Variants in PCDHA12 observed in about 807,000 individuals in gnomAD.
PCDHA12 encodes the protein protocadherin alpha-12.
Under a neutral mutation model 60.0 loss-of-function variants are expected in PCDHA12, and 44 were observed. That is an observed-to-expected ratio of 0.73 (90% CI 0.58 to 0.94). The LOEUF is 0.94. PCDHA12 is among the 40% of genes least tolerant of loss of function. The pLI, the probability that PCDHA12 is intolerant of heterozygous loss-of-function variation, is 0.00. For missense variants in PCDHA12, 1,276 were observed against 1,239.7 expected, an observed-to-expected ratio of 1.03 and a Z score of -0.44; for synonymous variants, 569 against 553.0, an observed-to-expected ratio of 1.03 and a Z score of -0.40.
intron 1 of PCDHA12, among the ~76,000 whole-genome samples, chr5:140,941,953 C>A (rs1166757165): frequency 6.6e-6 from 1 of 152,054 alleles, no homozygotes; most frequent in Non-Finnish European, 1.5e-5. Flanking sequence ...GTTTTGAAAA[C>A]AATAGTATCT....
intron 1 of PCDHA12, among the ~76,000 whole-genome samples, chr5:140,905,582 A>C (rs1281901890): frequency 1.3e-5 from 2 of 152,068 alleles, no homozygotes; most frequent in South Asian, 2.1e-4. Flanking sequence ...AATGATAATG[A>C]TATTTTGCTG....
chr5:141,005,489 G>A (rs1336877426), intron 3 of PCDHA12, among the ~76,000 whole-genome samples: 3 of 151,788 alleles, frequency 2.0e-5, no homozygotes, highest in Non-Finnish European at 4.4e-5. Context: ...GGATCATGAG[G>A]TCAGGAGATC....
rs182357788 is a variant in PCDHA12, at chr5:140,944,436, C to T, written c.2368-34513C>T. Among the ~76,000 whole-genome samples, 220 of 152,278 alleles carry T rather than the reference C, an allele frequency of 1.4e-3. 1 individual carries two copies. Among genetic ancestry groups the T allele is most frequent in the African/African-American group, 4.9e-3 (204 of 41,560 alleles). The stretch of plus-strand genomic sequence containing the variant: ...TCCTGATCTGAAGTGGTCTGCCTGC[C>T]TCGGCCTCCCAAAGTGCTGGGATTA... On this transcript the variant is annotated intron_variant, in intron 1 of 3. Coordinates refer to ENST00000398631, the MANE Select transcript of PCDHA12 (RefSeq NM_018903.4).
At chr5:140,941,023 T>C (rs2153648150) in intron 1 of PCDHA12, among the ~76,000 whole-genome samples, 1 of 152,338 alleles carries the variant, frequency 6.6e-6, no homozygotes, top group African/African-American at 2.4e-5. Flanking sequence ...ATTTTCCTTC[T>C]GGCCTTTTTG....
chr5:140,886,843 A>G (rs1247447766), intron 1 of PCDHA12, among the ~76,000 whole-genome samples: 8 of 150,852 alleles, frequency 5.3e-5, no homozygotes, highest in African/African-American at 1.5e-4. Flanking sequence ...AAAAAAAAAA[A>G]AAAAGAAAGG....
intron 3 of PCDHA12, among the ~76,000 whole-genome samples, chr5:140,998,396 T>A (rs2097810780): frequency 6.6e-6 from 1 of 152,212 alleles, no homozygotes. Flanking sequence ...ATGCCATCTT[T>A]ATGCCAAAGT....
intron 1 of PCDHA12, chr5:140,884,079 A>G (rs2059982825): frequency 5.6e-6 from 9 of 1,613,504 alleles, no homozygotes; most frequent in South Asian, 3.3e-5. Context: ...TCGGGCTACA[A>G]TGCGTGGCTT....
intron 3 of PCDHA12, among the ~76,000 whole-genome samples, chr5:141,000,381 CTCTCTCTCTCTCTCTATA>C (rs1371464108): frequency 4.9e-5 from 3 of 61,382 alleles, no homozygotes; most frequent in South Asian, 5.3e-4. Flanking sequence ...CTCTCTCTCT[CTCTCTCTCTCTCTCTATA>C]TATATATATA....
intron 1 of PCDHA12, chr5:140,930,374 C>G (rs549190703): frequency 6.6e-6 from 1 of 151,988 alleles, no homozygotes; most frequent in South Asian, 2.1e-4. Flanking sequence ...TGTTAGTGGC[C>G]CTTGGCATTT....
At chr5:140,896,116 A>G (rs2065393833) in intron 1 of PCDHA12, among the ~76,000 whole-genome samples, 1 of 152,044 alleles carries the variant, frequency 6.6e-6, no homozygotes, top group Admixed American at 6.6e-5. Context: ...TGGCCAATGT[A>G]CTGCATTTTA....
At chr5:140,883,202 G>T in intron 1 of PCDHA12, 1 of 1,613,916 alleles carries the variant, frequency 6.2e-7, no homozygotes, top group Non-Finnish European at 8.5e-7. Context: ...AGATTTCGAA[G>T]AAAAGAAATT....
chr5:140,891,440 G>T (rs1583052190), intron 1 of PCDHA12, among the ~76,000 whole-genome samples: 1 of 147,558 alleles, frequency 6.8e-6, no homozygotes, highest in Admixed American at 6.9e-5. Flanking sequence ...AACGTCCATT[G>T]TATAGGATTT....
At chr5:140,937,238 C>T (rs1339814732) in intron 1 of PCDHA12, among the ~76,000 whole-genome samples, 1 of 151,920 alleles carries the variant, frequency 6.6e-6, no homozygotes, top group Admixed American at 6.6e-5. Flanking sequence ...GGGGTTTCAC[C>T]GTGTTAGCCA....
intron 3 of PCDHA12, among the ~76,000 whole-genome samples, chr5:140,994,938 C>T (rs2097656507): frequency 6.6e-6 from 1 of 152,232 alleles, no homozygotes; most frequent in East Asian, 1.9e-4. Context: ...CCTTAAACAT[C>T]CTGCTAAATA....
At chr5:140,970,953 G>A (rs975435719) in intron 1 of PCDHA12, among the ~76,000 whole-genome samples, 16 of 152,110 alleles carry the variant, frequency 1.1e-4, no homozygotes, top group South Asian at 4.1e-4. Flanking sequence ...AGAAACCATG[G>A]GAGGCAGATT....
chr5:140,905,158 T>C (rs2071634583), intron 1 of PCDHA12, among the ~76,000 whole-genome samples: 1 of 152,256 alleles, frequency 6.6e-6, no homozygotes, highest in South Asian at 2.1e-4. Context: ...TTTAGAATTT[T>C]CATGGTTTCA....
intron 1 of PCDHA12, among the ~76,000 whole-genome samples, chr5:140,917,650 T>G (rs897307157): frequency 1.5e-4 from 23 of 152,226 alleles, no homozygotes; most frequent in African/African-American, 5.5e-4. Context: ...CCAGCAATAT[T>G]GAGTAGGAAG....
chr5:140,941,191 T>TTTTTCTTTCTTTC lies in PCDHA12; in HGVS notation c.2368-37755_2368-37754insTCTTTCTTTCTTT, dbSNP rs1554213809. On this transcript the variant is annotated intron_variant, in intron 1 of 3. Transcript: ENST00000398631. ...CATCTTGAACATCCTGCTTCTTTTT[T>TTTTTCTTTCTTTC]TTTCTTTCTTCCTTTCTTTCTTCCT... Among the ~76,000 whole-genome samples the TTTTTCTTTCTTTC allele has an allele frequency of 1.3e-4, 12 of 93,256 alleles. No individual in the cohort carries two copies. In the East Asian group the frequency reaches 2.9e-3, roughly 23 times the overall value. 61.2% of individuals were successfully genotyped at this position (93,256 alleles called of 152,430 possible). A position where few individuals can be genotyped will look rare whatever the true frequency, so the allele number is the denominator to read the frequency against.
chr5:140,988,009 A>C (rs1223658003), intron 3 of PCDHA12, among the ~76,000 whole-genome samples: 3 of 152,204 alleles, frequency 2.0e-5, no homozygotes, highest in Non-Finnish European at 4.4e-5. Context: ...CCCCAGAAAG[A>C]AAGCATGATT....
Sources: gnomAD v4.1 joint callset for allele counts (sites outside exome capture counted in the v4.1 genomes callset) on GRCh38, gnomAD v4.1.1 for gene constraint, MANE v1.5 for transcripts, NCBI Gene and HGNC (gene_info 2026-07-23, HGNC 2026-07-21) for gene names.